The following WAPL variants were observed in gnomAD, a reference collection of about 807,000 sequenced individuals.
WAPL encodes the protein WAPL cohesin release factor.
WAPL carries 5 observed loss-of-function variants against 121.0 expected under a neutral mutation model. The observed-to-expected ratio is 0.04, with a 90% CI of 0.02 to 0.09. The LOEUF (loss-of-function observed/expected upper bound fraction) is 0.09, where lower values mean the gene tolerates loss of function less well. WAPL is among the 10% of genes least tolerant of loss of function. The pLI is 1.00. For synonymous variants in WAPL, 480 were observed against 481.5 expected (o/e 1.00, Z 0.04); for missense variants, 999 against 1,410.8 (o/e 0.71, Z 4.68).
intron 12 of WAPL, among the ~76,000 whole-genome samples, chr10:86,457,269 C>T (rs1414335144): frequency 7.0e-6 from 1 of 143,672 alleles, no homozygotes; most frequent in Non-Finnish European, 1.5e-5. Flanking sequence ...GCAGGAGAAT[C>T]ACTTAAGCCC....
At position 86,516,956 on chromosome 10, in the gene WAPL, G is replaced by A. The variant is rs11202053; in HGVS notation, c.499+615C>T. On this transcript the variant is annotated intron_variant, in intron 2 of 18. Transcript: ENST00000298767. The stretch of plus-strand genomic sequence containing the variant: ...AAATTAGCCAGGCGTGGTGGCGGGC[G>A]CCTGTAGTCCCAGCTACTCGGGAGG... 5.5e-3 allele frequency among the ~76,000 whole-genome samples: 839 copies of A among 152,018 alleles called. 10 individuals carry two copies. The highest frequency in any genetic ancestry group is 0.019 in the African/African-American group (795 of 41,460).
At chr10:86,458,075 A>G (rs1841190594) in intron 12 of WAPL, among the ~76,000 whole-genome samples, 2 of 152,270 alleles carry the variant, frequency 1.3e-5, no homozygotes, top group Non-Finnish European at 1.5e-5. Context: ...CTAGAGTAAG[A>G]CTGCAATGGG....
In WAPL at chr10:86,521,661, G is replaced by A. The variant is rs1047287151; in HGVS notation, c.-319C>T. 2.4e-5 allele frequency: 11 copies of A among 462,066 alleles called. No individual in the cohort carries two copies. Among genetic ancestry groups the A allele is most frequent in the African/African-American group, 1.0e-4 (5 of 48,246 alleles). The allele number at this position is 462,066 out of a possible 1,614,324, so 28.6% of individuals were successfully genotyped here. The stretch of plus-strand genomic sequence containing the variant: ...TGCTGTGTGCCCCCGCTGGGCCGCC[G>A]CCGCCTCCTGCGCCGCCGCTTCCGC... On this transcript the variant is annotated 5_prime_UTR_variant, in exon 1 of 19. Coordinates refer to ENST00000298767, the MANE Select transcript of WAPL (RefSeq NM_015045.5).
intron 4 of WAPL, among the ~76,000 whole-genome samples, chr10:86,482,726 C>T (rs1841821095): frequency 6.6e-6 from 1 of 152,112 alleles, no homozygotes; most frequent in African/African-American, 2.4e-5. Flanking sequence ...TAATTAAATA[C>T]AGTAATAGAT....
intron 4 of WAPL, 151 bp downstream of exon 4, chr10:86,497,049 TA>T: frequency 1.6e-6 from 1 of 616,746 alleles, no homozygotes; most frequent in Non-Finnish European, 2.7e-6. Flanking sequence ...TACAATTTTT[TA>T]AAAAATGGTT....
chr10:86,477,349 G>A (rs1387848372), intron 4 of WAPL, among the ~76,000 whole-genome samples: 2 of 152,212 alleles, frequency 1.3e-5, no homozygotes, highest in East Asian at 1.9e-4. Context: ...GGAAGTGATT[G>A]TGTGTACAAT....
intron 4 of WAPL, among the ~76,000 whole-genome samples, chr10:86,483,361 G>A (rs1047360236): frequency 4.6e-5 from 7 of 151,558 alleles, no homozygotes; most frequent in African/African-American, 1.2e-4. Context: ...CGGAGGTTGC[G>A]GTAAGCTGAG....
intron 2 of WAPL, among the ~76,000 whole-genome samples, chr10:86,506,959 C>T (rs931153948): frequency 1.3e-5 from 2 of 151,792 alleles, no homozygotes; most frequent in East Asian, 1.9e-4. Context: ...ATGATTACTC[C>T]TCCACCCTGT....
intron 7 of WAPL, among the ~76,000 whole-genome samples, 182 bp from the exon 8 acceptor site, chr10:86,471,285 CATG>C (rs1275320707): frequency 1.3e-5 from 2 of 152,140 alleles, no homozygotes; most frequent in African/African-American, 4.8e-5. Flanking sequence ...ATGCCTAGTG[CATG>C]ATTAGGTACA....
chr10:86,521,342 C>G, intron 1 of WAPL, 23 bp downstream of exon 1: 1 of 267,098 alleles, frequency 3.7e-6, no homozygotes, highest in Non-Finnish European at 7.4e-6. Context: ...CCGGCCTAGG[C>G]GGCCGCCCGA....
intron 2 of WAPL, among the ~76,000 whole-genome samples, chr10:86,505,622 A>G (rs899297878): frequency 6.6e-6 from 1 of 152,040 alleles, no homozygotes; most frequent in African/African-American, 2.4e-5. Flanking sequence ...ATGCATATAC[A>G]TATTTTTGTA....
At chr10:86,468,280 T>G (rs529818085) in intron 8 of WAPL, among the ~76,000 whole-genome samples, 8 of 152,194 alleles carry the variant, frequency 5.3e-5, no homozygotes, top group African/African-American at 1.9e-4. Flanking sequence ...CACTGTAGCC[T>G]TGACCGTCTG....
chr10:86,514,808 C>G (rs1037549172), intron 2 of WAPL, among the ~76,000 whole-genome samples: 8 of 152,244 alleles, frequency 5.3e-5, no homozygotes, highest in African/African-American at 1.7e-4. Context: ...TTAATACACT[C>G]TGCCATCAGG....
At chr10:86,509,499 C>T (rs1216639986) in intron 2 of WAPL, among the ~76,000 whole-genome samples, 1 of 152,200 alleles carries the variant, frequency 6.6e-6, no homozygotes, top group Admixed American at 6.5e-5. Context: ...TACACTCCCG[C>T]ACCACTCTAT....
intron 2 of WAPL, among the ~76,000 whole-genome samples, chr10:86,505,614 G>A (rs1244017974): frequency 6.6e-6 from 1 of 151,874 alleles, no homozygotes; most frequent in Non-Finnish European, 1.5e-5. Flanking sequence ...GAATTTAAAT[G>A]CATATACATA....
Position 86,497,288 on chromosome 10 carries a change from A to G in WAPL, c.1557T>C (p.Gly519=). 1.2e-6 allele frequency: 2 copies of G among 1,612,378 alleles called. No individual in the cohort carries two copies. Among genetic ancestry groups the G allele is most frequent in the Non-Finnish European group, 1.7e-6 (2 of 1,179,638 alleles). The change falls in exon 4 of 19, where the codon GGT becomes GGC. Residue 519 remains glycine, a synonymous_variant. Transcript: ENST00000298767. ...TGGGCTTCTTCACACTTTCAGGCAC[A>G]CCAGGCAAGTCCTCTGTAAAATCCA... is the stretch of plus-strand genomic sequence containing the variant. The part of the protein sequence containing the change: ...ENLDFTEDLP[G]VPESVKKPIN...
At chr10:86,511,350 A>G (rs1842460238) in intron 2 of WAPL, among the ~76,000 whole-genome samples, 1 of 152,258 alleles carries the variant, frequency 6.6e-6, no homozygotes, top group Admixed American at 6.5e-5. Flanking sequence ...GAGGGAATCC[A>G]TAATTTGCCC....
chr10:86,496,507 T>C (rs1842153304), intron 4 of WAPL, among the ~76,000 whole-genome samples: 1 of 152,132 alleles, frequency 6.6e-6, no homozygotes, highest in Non-Finnish European at 1.5e-5. Flanking sequence ...CACAGCAGCA[T>C]TATTCACAGT....
In WAPL at chr10:86,446,287, T is replaced by C. The variant is rs1849616803; in HGVS notation, c.3277A>G (p.Lys1093Glu). 1 of 1,614,090 alleles carries C rather than the reference T, an allele frequency of 6.2e-7. No individual in the cohort carries two copies. The highest frequency in any genetic ancestry group is 1.3e-5 in the African/African-American group (1 of 74,938). Residue 1093 changes from lysine to glutamate, a missense_variant, in exon 16 of 19, where the codon AAA becomes GAA. Around this residue, in one of 7 missense-constraint regions of WAPL, gnomAD observed 126 missense variants for 144.0 expected, o/e 0.87. Transcript: ENST00000298767. Reference sequence around the variant, plus strand: ...TCATCCTCCTCCTCCTTCTTATGTTTCTCTTCTGTACCATCAGTCTTTTCA... The same window carrying C: ...TCATCCTCCTCCTCCTTCTTATGTTCCTCTTCTGTACCATCAGTCTTTTCA... ...STEKTDGTEE[K>E]HKKEEEDEEL...
Sources: gnomAD v4.1 joint callset for allele counts (sites outside exome capture counted in the v4.1 genomes callset) on GRCh38, gnomAD v4.1.1 for gene constraint, gnomAD v4.1.1 regional missense constraint, MANE v1.5 for transcripts, NCBI Gene and HGNC (gene_info 2026-07-23, HGNC 2026-07-21) for gene names.